The following NAA35 variants were observed in gnomAD, a reference collection of about 807,000 sequenced individuals.
NAA35 encodes N-alpha-acetyltransferase 35, NatC auxiliary subunit, also known as MAK10 homolog, amino-acid N-acetyltransferase subunit.
A neutral mutation model predicts 101.7 loss-of-function variants in NAA35; 18 were observed. The ratio of observed to expected loss-of-function variants is 0.18; its 90% CI spans 0.12 to 0.26. NAA35 has a LOEUF of 0.26. Among genes scored for constraint, NAA35 ranks in the 10% least tolerant of loss-of-function variants. NAA35 has a pLI of 1.00. For synonymous variants in NAA35, 267 were observed against 273.1 expected (o/e 0.98, Z 0.22); for missense variants, 601 against 886.8 (o/e 0.68, Z 4.09).
At position 86,025,435 on chromosome 9, in the gene NAA35, CTA is replaced by C. The variant is rs1021321601; in HGVS notation, c.*3477_*3478del. The stretch of plus-strand genomic sequence containing the variant: ...TCCCCATATTCATACTTGCCCCACT[CTA>C]TTTGTGGAGTGGCTGGTATGATCTT... On this transcript the variant is annotated 3_prime_UTR_variant, in exon 23 of 23. Transcript: ENST00000361671. Among the ~76,000 whole-genome samples, 6 of 152,142 alleles carry C rather than the reference CTA, an allele frequency of 3.9e-5. No individual in the cohort carries two copies. Among genetic ancestry groups the C allele is most frequent in the Admixed American group, 1.3e-4 (2 of 15,270 alleles).
chr9:86,022,073 C>A lies in NAA35; in HGVS notation c.*113C>A. 1 of 760,164 alleles carries A rather than the reference C, an allele frequency of 1.3e-6. No homozygotes were observed. Among genetic ancestry groups the A allele is most frequent in the Non-Finnish European group, 2.2e-6 (1 of 461,042 alleles). The allele number at this position is 760,164 out of a possible 1,614,324, so 47.1% of individuals were successfully genotyped here. ...GAAGTGAGATGGATTTCTTGGGTAA[C>A]AACTCATTATAAGGAATACTTTTAG... On this transcript the variant is annotated 3_prime_UTR_variant, in exon 23 of 23. Coordinates refer to ENST00000361671, the MANE Select transcript of NAA35 (RefSeq NM_024635.4).
At chr9:85,942,423 C>G (rs1020847263) in intron 2 of NAA35, 140 bp downstream of exon 2, 7 of 1,159,808 alleles carry the variant, frequency 6.0e-6, no homozygotes, top group Middle Eastern at 4.1e-4. Context: ...ATTCTGTATC[C>G]TCTAATTTTA....
chr9:86,013,631 A>G lies in NAA35; in HGVS notation c.1390-88A>G, dbSNP rs1832063428. 28 of 1,252,782 alleles carry G rather than the reference A, an allele frequency of 2.2e-5. 1 individual carries two copies. The South Asian group carries it at 4.4e-4, about 20-fold the overall frequency. 77.6% of individuals were successfully genotyped at this position (1,252,782 alleles called of 1,614,324 possible). A position where few individuals can be genotyped will look rare whatever the true frequency, so the allele number is the denominator to read the frequency against. On this transcript the variant is annotated intron_variant, in intron 16 of 22. Transcript: ENST00000361671. ...GGTCAGATTTAAATTTTCTGCTCAT[A>G]TTCTTTTTAGCTGTACGTTTTTTTA...
At chr9:85,941,675 A>T (rs1055802194) in intron 1 of NAA35, 9 of 985,804 alleles carry the variant, frequency 9.1e-6, no homozygotes, top group Non-Finnish European at 7.2e-6. Flanking sequence ...GCTCCCGGCG[A>T]GGTTCTGCCT....
intron 2 of NAA35, 76 bp downstream of exon 2, chr9:85,942,359 C>T: frequency 1.3e-6 from 2 of 1,543,828 alleles, no homozygotes; most frequent in Non-Finnish European, 1.7e-6. Flanking sequence ...AAACTTACCT[C>T]ATTAGATGAA....
intron 11 of NAA35, among the ~76,000 whole-genome samples, chr9:85,987,338 G>A (rs1830691006): frequency 6.6e-6 from 1 of 152,158 alleles, no homozygotes; most frequent in Non-Finnish European, 1.5e-5. Context: ...CTGTGATATG[G>A]CTCCTTTAAC....
In NAA35 at chr9:86,023,811, T is replaced by C. The variant is rs1428085751; in HGVS notation, c.*1851T>C. Among the ~76,000 whole-genome samples the C allele has an allele frequency of 6.6e-6, 1 of 152,252 alleles. No individual in the cohort carries two copies. Among genetic ancestry groups the C allele is most frequent in the Non-Finnish European group, 1.5e-5 (1 of 68,040 alleles). The stretch of plus-strand genomic sequence containing the variant: ...TGTTAGATTTATCAGTGTATGTTAC[T>C]GACAGAATCATGTGGTTTCCTTTAA... On this transcript the variant is annotated 3_prime_UTR_variant, in exon 23 of 23. Coordinates refer to ENST00000361671, the MANE Select transcript of NAA35 (RefSeq NM_024635.4).
At chr9:85,990,283 G>A (rs987319005) in intron 11 of NAA35, among the ~76,000 whole-genome samples, 3 of 152,228 alleles carry the variant, frequency 2.0e-5, no homozygotes, top group African/African-American at 7.2e-5. Flanking sequence ...CTGTTTAGGA[G>A]ACATCTGCCC....
At chr9:85,974,579 A>T (rs568456091) in intron 6 of NAA35, among the ~76,000 whole-genome samples, 1 of 152,178 alleles carries the variant, frequency 6.6e-6, no homozygotes, top group Non-Finnish European at 1.5e-5. Flanking sequence ...AAGTAGTCTT[A>T]TCTAAATCTT....
intron 18 of NAA35, among the ~76,000 whole-genome samples, chr9:86,017,006 C>T (rs1832259930): frequency 6.6e-6 from 1 of 152,222 alleles, no homozygotes; most frequent in Admixed American, 6.5e-5. Context: ...GGCAGTAGTT[C>T]TGGAGCTGTG....
At chr9:85,966,888 C>A (rs1461641341) in intron 6 of NAA35, among the ~76,000 whole-genome samples, 1 of 151,836 alleles carries the variant, frequency 6.6e-6, no homozygotes, top group East Asian at 1.9e-4. Flanking sequence ...GGGCAGATCA[C>A]CTGAGGTCAG....
chr9:85,953,300 G>A (rs1269594940), intron 2 of NAA35, among the ~76,000 whole-genome samples: 2 of 148,338 alleles, frequency 1.3e-5, no homozygotes, highest in Non-Finnish European at 3.0e-5. Context: ...GTAATGTCTT[G>A]CAAGCATCAC....
chr9:85,953,764 T>C (rs1490490194), intron 2 of NAA35, among the ~76,000 whole-genome samples: 1 of 152,136 alleles, frequency 6.6e-6, no homozygotes, highest in African/African-American at 2.4e-5. Context: ...AAGTATTTCA[T>C]TTAAATGGAC....
At chr9:85,959,669 T>G (rs535743567) in intron 4 of NAA35, 124 bp from the exon 5 acceptor site, 1 of 609,416 alleles carries the variant, frequency 1.6e-6, no homozygotes, top group African/African-American at 1.8e-5. Flanking sequence ...GATGATAAGA[T>G]AGCATTTTCT....
intron 12 of NAA35, among the ~76,000 whole-genome samples, chr9:85,997,975 T>C (rs999308392): frequency 3.3e-5 from 5 of 152,114 alleles, no homozygotes; most frequent in African/African-American, 7.2e-5. Flanking sequence ...AGTGCAGTGG[T>C]GTGATCTTGG....
rs2118232188 is a variant in NAA35, at chr9:85,943,016, T to C, written c.124+733T>C. Among the ~76,000 whole-genome samples the C allele has an allele frequency of 1.3e-5, 2 of 152,334 alleles. 1 individual carries two copies. Among genetic ancestry groups the C allele is most frequent in the South Asian group, 4.1e-4 (2 of 4,828 alleles). On this transcript the variant is annotated intron_variant, in intron 2 of 22. Coordinates refer to ENST00000361671, the MANE Select transcript of NAA35 (RefSeq NM_024635.4). ...TTTTTCAGAAGCCATAATTGTCAAT[T>C]ATTTCTTGTTTATTTTCAGTCTCAC...
rs1240027250 is a variant in NAA35 at position 85,953,239 on chromosome 9, T to TA, written c.125-3120dup. Among the ~76,000 whole-genome samples the TA allele has an allele frequency of 1.2e-3, 177 of 150,954 alleles. 1 individual carries two copies. The highest frequency in any genetic ancestry group is 2.2e-3 in the Non-Finnish European group (151 of 67,770). On this transcript the variant is annotated intron_variant, in intron 2 of 22. Coordinates refer to ENST00000361671, the MANE Select transcript of NAA35 (RefSeq NM_024635.4). The stretch of plus-strand genomic sequence containing the variant: ...GAGATTTTTTTTTTTTTTTTTTTTT[T>TA]ACCGGCTTAACCATTTTTAAGTGTA...
intron 3 of NAA35, 47 bp downstream of exon 3, chr9:85,956,440 G>GT (rs200018881): frequency 5.9e-3 from 6,570 of 1,107,688 alleles, no homozygotes; most frequent in South Asian, 9.0e-3. Context: ...GTTTCAGTCT[G>GT]TTTTTTTTTC....
At chr9:85,995,327 T>TA (rs1286298306) in intron 11 of NAA35, among the ~76,000 whole-genome samples, 1 of 150,660 alleles carries the variant, frequency 6.6e-6, no homozygotes, top group East Asian at 1.9e-4. Flanking sequence ...TTATTTAAAA[T>TA]AAAAAATTAT....
Sources: gnomAD v4.1 joint callset for allele counts (sites outside exome capture counted in the v4.1 genomes callset) on GRCh38, gnomAD v4.1.1 for gene constraint, MANE v1.5 for transcripts, NCBI Gene and HGNC (gene_info 2026-07-23, HGNC 2026-07-21) for gene names.